The following SYT16 variants were observed in gnomAD, a reference collection of about 807,000 sequenced individuals.
SYT16 encodes the protein synaptotagmin-16.
A neutral mutation model predicts 61.4 loss-of-function variants in SYT16; 42 were observed. That is an observed-to-expected ratio of 0.68 (90% CI 0.53 to 0.89). The LOEUF (loss-of-function observed/expected upper bound fraction) is 0.89. Among genes scored for constraint, SYT16 ranks in the 40% least tolerant of loss-of-function variants. The probability of loss-of-function intolerance (pLI) is 0.00; values close to 1 mark genes in which losing one functional copy is unlikely to be tolerated. For missense variants in SYT16, 804 were observed against 807.3 expected, an observed-to-expected ratio of 1.00 and a Z score of 0.05; for synonymous variants, 314 against 302.3, an observed-to-expected ratio of 1.04 and a Z score of -0.40.
intron 1 of SYT16, among the ~76,000 whole-genome samples, chr14:61,911,465 A>G (rs907046620): frequency 3.9e-5 from 6 of 152,240 alleles, no homozygotes; most frequent in African/African-American, 1.4e-4. Context: ...GCCCATCCTC[A>G]TTCAGCAAGG....
At position 62,038,737 on chromosome 14, in the gene SYT16, T is replaced by C. The variant is rs17099433; in HGVS notation, c.524-30866T>C. ...CAGCAGGAAAATGTGATGGAAGGAC[T>C]ATGTACTTGAGAATCAGAAAGGGCT... is the stretch of plus-strand genomic sequence containing the variant. On this transcript the variant is annotated intron_variant, in intron 3 of 7. Coordinates refer to ENST00000683842, the MANE Select transcript of SYT16 (RefSeq NM_001367656.1). Among the ~76,000 whole-genome samples, 656 of 152,312 alleles carry C rather than the reference T, an allele frequency of 4.3e-3. 2 individuals are homozygous for C. The highest frequency in any genetic ancestry group is 0.015 in the African/African-American group (626 of 41,572).
At chr14:61,813,564 A>C (rs1177259304) in intron 1 of SYT16, among the ~76,000 whole-genome samples, 2 of 152,170 alleles carry the variant, frequency 1.3e-5, no homozygotes, top group Non-Finnish European at 2.9e-5. Context: ...CTAGCATCCA[A>C]AGTCCCTAGC....
rs1292772818 is a variant in SYT16 at position 62,100,309 on chromosome 14, A to G, written c.1625-85A>G. 5.0e-6 allele frequency: 6 copies of G among 1,205,864 alleles called. No homozygotes were observed. The South Asian group carries it at 8.0e-5, about 16-fold the overall frequency. The allele number at this position is 1,205,864 out of a possible 1,614,324, so 74.7% of individuals were successfully genotyped here. On this transcript the variant is annotated intron_variant, in intron 7 of 7. Coordinates refer to ENST00000683842, the MANE Select transcript of SYT16 (RefSeq NM_001367656.1). ...TGTTGAAAGGAGAAATTTGTAGCCC[A>G]TATAAATGTTACAGCTAGTCTAGCC...
chr14:61,836,605 C>T (rs964625531), intron 1 of SYT16, among the ~76,000 whole-genome samples: 1 of 152,162 alleles, frequency 6.6e-6, no homozygotes, highest in African/African-American at 2.4e-5. Context: ...GAGTGATTTA[C>T]TAATTCTATT....
At chr14:61,867,429 G>A (rs1012122682) in intron 1 of SYT16, among the ~76,000 whole-genome samples, 8 of 152,048 alleles carry the variant, frequency 5.3e-5, no homozygotes, top group African/African-American at 1.7e-4. Flanking sequence ...CGGTTTGTGA[G>A]AATTTTGCTA....
intron 1 of SYT16, among the ~76,000 whole-genome samples, chr14:61,884,172 A>G (rs9635237): frequency 0.3 from 45,033 of 152,006 alleles, 6,869 homozygotes; most frequent in Admixed American, 0.32. Context: ...CTTTTCTCCA[A>G]ATTGAAATCT....
intron 1 of SYT16, among the ~76,000 whole-genome samples, chr14:61,929,582 TG>T (rs1382839193): frequency 6.6e-6 from 1 of 152,236 alleles, no homozygotes; most frequent in Non-Finnish European, 1.5e-5. Context: ...CTTTTGCCTT[TG>T]ATCCGTGAAT....
At chr14:61,879,658 C>G (rs1385971697) in intron 1 of SYT16, among the ~76,000 whole-genome samples, 1 of 152,224 alleles carries the variant, frequency 6.6e-6, no homozygotes, top group Non-Finnish European at 1.5e-5. Flanking sequence ...CCCCACAGAC[C>G]TCTAATCCAT....
chr14:61,833,176 A>G (rs914252431), intron 1 of SYT16, among the ~76,000 whole-genome samples: 3 of 152,116 alleles, frequency 2.0e-5, no homozygotes, highest in Non-Finnish European at 2.9e-5. Flanking sequence ...ATCACTTTTT[A>G]TAGTAACAAT....
At chr14:61,883,162 A>G (rs1266206254) in intron 1 of SYT16, among the ~76,000 whole-genome samples, 2 of 152,220 alleles carry the variant, frequency 1.3e-5, no homozygotes, top group Non-Finnish European at 2.9e-5. Flanking sequence ...GGTCTCTGAC[A>G]TGCCCTGGAG....
In SYT16 at chr14:62,100,416, C is replaced by T. The variant is rs2141022557; in HGVS notation, c.1647C>T (p.Leu549=). ...TAGATACATATGGAAAACTCTTTCT[C>T]CTCAATTCTGTGGGTCAAGAGATGT... ...RAPDTYGKLF[L]LNSVGQEMSR... Residue 549 remains leucine (L), a synonymous_variant, in exon 8 of 8, where the codon CTC becomes CTT. Coordinates refer to ENST00000683842, the MANE Select transcript of SYT16 (RefSeq NM_001367656.1). The T allele has an allele frequency of 6.2e-6, 10 of 1,610,246 alleles. No homozygotes were observed. The highest frequency in any genetic ancestry group is 7.6e-6 in the Non-Finnish European group (9 of 1,178,034).
intron 1 of SYT16, among the ~76,000 whole-genome samples, chr14:61,900,208 A>G (rs217645): frequency 0.91 from 135,859 of 149,584 alleles, 61,832 homozygotes; most frequent in East Asian, 0.98. Flanking sequence ...GTCCAGGCTG[A>G]AATGCAGTGG....
chr14:61,819,075 C>T (rs2045534876), intron 1 of SYT16, among the ~76,000 whole-genome samples: 1 of 152,006 alleles, frequency 6.6e-6, no homozygotes, highest in South Asian at 2.1e-4. Context: ...ATTGGTAAAC[C>T]CAGTAAAGCT....
At chr14:61,851,133 T>A (rs1212418157) in intron 1 of SYT16, among the ~76,000 whole-genome samples, 1 of 151,864 alleles carries the variant, frequency 6.6e-6, no homozygotes, top group Non-Finnish European at 1.5e-5. Context: ...ATCATTCAAC[T>A]CCCACTTACA....
chr14:62,078,466 T>C (rs1020864205), intron 5 of SYT16, among the ~76,000 whole-genome samples: 2 of 152,164 alleles, frequency 1.3e-5, no homozygotes, highest in African/African-American at 4.8e-5. Flanking sequence ...CCTCATTGCA[T>C]TGATGTAAAT....
chr14:61,939,414 A>G (rs2050120976), intron 1 of SYT16, among the ~76,000 whole-genome samples: 1 of 152,194 alleles, frequency 6.6e-6, no homozygotes, highest in Non-Finnish European at 1.5e-5. Flanking sequence ...AATGCCACCA[A>G]CTGCAAAGCT....
intron 1 of SYT16, among the ~76,000 whole-genome samples, chr14:61,888,478 G>C (rs1442736818): frequency 1.3e-5 from 2 of 152,200 alleles, no homozygotes; most frequent in Non-Finnish European, 2.9e-5. Flanking sequence ...AGAAAAGGGA[G>C]AGATGTGGGG....
chr14:61,819,187 C>T (rs564977551), intron 1 of SYT16, among the ~76,000 whole-genome samples: 1 of 152,156 alleles, frequency 6.6e-6, no homozygotes, highest in Non-Finnish European at 1.5e-5. Flanking sequence ...ACCTTCCCTT[C>T]TCCTGAGTAT....
intron 1 of SYT16, among the ~76,000 whole-genome samples, chr14:61,859,078 C>G (rs988854552): frequency 2.3e-4 from 35 of 151,852 alleles, no homozygotes; most frequent in African/African-American, 7.5e-4. Context: ...CCAGGATGGT[C>G]TTGATCTCCT....
Sources: gnomAD v4.1 joint callset for allele counts (sites outside exome capture counted in the v4.1 genomes callset) on GRCh38, gnomAD v4.1.1 for gene constraint, MANE v1.5 for transcripts, NCBI Gene and HGNC (gene_info 2026-07-23, HGNC 2026-07-21) for gene names.